CBFA2T2: variants seen among roughly 807,000 people sequenced by gnomAD.
The protein encoded by CBFA2T2 is protein CBFA2T2.
Under a neutral mutation model 62.2 loss-of-function variants are expected in CBFA2T2, and 11 were observed. That is an observed-to-expected ratio of 0.18 (90% CI 0.11 to 0.29). The LOEUF is 0.29. Ranked by LOEUF, CBFA2T2 falls within the 10% of genes least tolerant of loss-of-function variation. The pLI, the probability that CBFA2T2 is intolerant of heterozygous loss-of-function variation, is 1.00. For missense variants in CBFA2T2, 592 were observed against 774.1 expected (o/e 0.76, Z 2.79); for synonymous variants, 295 against 287.5 (o/e 1.03, Z -0.27).
chr20:33,543,617 G>A (rs909981800), intron 1 of CBFA2T2, among the ~76,000 whole-genome samples: 19 of 152,090 alleles, frequency 1.2e-4, no homozygotes, highest in African/African-American at 4.8e-5. Flanking sequence ...GGAAAAGAGC[G>A]TTCTTAGAGG....
chr20:33,517,296 T>C (rs1376348503), intron 1 of CBFA2T2, among the ~76,000 whole-genome samples: 1 of 152,172 alleles, frequency 6.6e-6, no homozygotes, highest in Non-Finnish European at 1.5e-5. Context: ...ATTCATGACA[T>C]ATGGGAAGAA....
chr20:33,578,353 G>C (rs1424217114), intron 1 of CBFA2T2, among the ~76,000 whole-genome samples: 7 of 152,190 alleles, frequency 4.6e-5, no homozygotes, highest in Non-Finnish European at 1.0e-4. Flanking sequence ...TGAGCAAATA[G>C]AGAATTTGGG....
intron 1 of CBFA2T2, among the ~76,000 whole-genome samples, chr20:33,558,477 A>G (rs1049159285): frequency 2.6e-5 from 4 of 151,854 alleles, no homozygotes; most frequent in Admixed American, 2.6e-4. Flanking sequence ...AACTCCCTCC[A>G]TCTCCCTTTT....
chr20:33,537,356 G>A (rs572125510), intron 1 of CBFA2T2, among the ~76,000 whole-genome samples: 3 of 152,234 alleles, frequency 2.0e-5, no homozygotes, highest in African/African-American at 4.8e-5. Context: ...GCGTGGCAGC[G>A]CGCGCCTGCA....
intron 5 of CBFA2T2, among the ~76,000 whole-genome samples, chr20:33,624,285 C>A (rs1255126477): frequency 7.0e-6 from 1 of 142,812 alleles, no homozygotes; most frequent in Non-Finnish European, 1.5e-5. Context: ...ATCTGAGTGA[C>A]TGAAAACCCT....
Position 33,543,273 on chromosome 20 carries a change from G to T in CBFA2T2, c.34+52972G>T, listed in dbSNP as rs544025691. Among the ~76,000 whole-genome samples, 34 of 137,654 alleles carry T rather than the reference G, an allele frequency of 2.5e-4. No homozygotes were observed. The East Asian group carries it at 6.3e-3, about 25-fold the overall frequency. The allele number at this position is 137,654 out of a possible 152,430, so 90.3% of individuals were successfully genotyped here. On this transcript the variant is annotated intron_variant, in intron 1 of 10. Coordinates refer to ENST00000342704, the MANE Select transcript of CBFA2T2 (RefSeq NM_001032999.3). ...GATCTGTCTGCCTCGGCCTCCCAAA[G>T]TGCTGGGATTACAGGCGTGAGCCAC...
chr20:33,545,010 T>TAGAAC lies in CBFA2T2; in HGVS notation c.34+54719_34+54723dup, dbSNP rs199760817. Among the ~76,000 whole-genome samples, 534 of 113,964 alleles carry TAGAAC rather than the reference T, an allele frequency of 4.7e-3. 11 individuals carry two copies. The highest frequency in any genetic ancestry group is 0.014 in the African/African-American group (431 of 29,976). The allele number at this position is 113,964 out of a possible 152,430, so 74.8% of individuals were successfully genotyped here. ...TAGAATAGAATAGAATAGAATAGAA[T>TAGAAC]AGAACAGAACAGAATGCAAGGTAGA... On this transcript the variant is annotated intron_variant, in intron 1 of 10. Transcript: ENST00000342704.
At chr20:33,504,107 T>A (rs1323234953) in intron 1 of CBFA2T2, among the ~76,000 whole-genome samples, 2 of 152,178 alleles carry the variant, frequency 1.3e-5, no homozygotes, top group Non-Finnish European at 2.9e-5. Flanking sequence ...TTCTATAATG[T>A]CATATACATG....
chr20:33,513,430 G>A (rs1314731816), intron 1 of CBFA2T2, among the ~76,000 whole-genome samples: 2 of 151,036 alleles, frequency 1.3e-5, no homozygotes, highest in Non-Finnish European at 2.9e-5. Context: ...CACAGTATCA[G>A]CTCACTGCAA....
intron 1 of CBFA2T2, among the ~76,000 whole-genome samples, chr20:33,518,994 G>A (rs2146859906): frequency 6.6e-6 from 1 of 152,050 alleles, no homozygotes; most frequent in South Asian, 2.1e-4. Flanking sequence ...GCTAAGTTTT[G>A]TAGTTTTAGT....
intron 1 of CBFA2T2, among the ~76,000 whole-genome samples, chr20:33,554,336 T>A (rs1414893000): frequency 6.6e-6 from 1 of 150,812 alleles, no homozygotes; most frequent in Non-Finnish European, 1.5e-5. Context: ...CACTGCAGCC[T>A]TCGCCTCCTG....
rs1471546217 is a variant in CBFA2T2, at chr20:33,508,946, T to C, written c.34+18645T>C. On this transcript the variant is annotated intron_variant, in intron 1 of 10. Coordinates refer to ENST00000342704, the MANE Select transcript of CBFA2T2 (RefSeq NM_001032999.3). Reference sequence around the variant, plus strand: ...GGCCGTGTGTGGAGCACAAACTTACTTGTTTTAAAGAAAGGATTTCTTTGT... The same window carrying C: ...GGCCGTGTGTGGAGCACAAACTTACCTGTTTTAAAGAAAGGATTTCTTTGT... 2.6e-5 allele frequency among the ~76,000 whole-genome samples: 4 copies of C among 152,360 alleles called. No individual in the cohort carries two copies. The East Asian group carries it at 7.7e-4, about 29-fold the overall frequency.
intron 8 of CBFA2T2, among the ~76,000 whole-genome samples, chr20:33,636,194 G>GAATCA (rs2016624363): frequency 6.7e-6 from 1 of 149,962 alleles, no homozygotes; most frequent in Non-Finnish European, 1.5e-5. Flanking sequence ...GGGAGGCAGA[G>GAATCA]GTTGCAGTGA....
chr20:33,583,685 T>C (rs1266192104), intron 1 of CBFA2T2, among the ~76,000 whole-genome samples: 2 of 152,234 alleles, frequency 1.3e-5, no homozygotes, highest in African/African-American at 4.8e-5. Context: ...CTACCAGCAC[T>C]GCATTTAGTA....
rs1038777703 is a variant in CBFA2T2 at position 33,648,638 on chromosome 20, T to A, written c.*3992T>A. 1 of 152,162 alleles carries A rather than the reference T, an allele frequency of 6.6e-6. No homozygotes were observed. Among genetic ancestry groups the A allele is most frequent in the African/African-American group, 2.4e-5 (1 of 41,426 alleles). The allele number at this position is 152,162 out of a possible 1,614,324, so 9.4% of individuals were successfully genotyped here. ...GTTGGGTGACCGTGGGGTCACCGAT[T>A]GCGTAGATTATTTCTAGGGCAGTGC... On this transcript the variant is annotated 3_prime_UTR_variant, in exon 11 of 11. Transcript: ENST00000342704.
chr20:33,495,492 C>G (rs1303834480), intron 1 of CBFA2T2, among the ~76,000 whole-genome samples: 1 of 151,778 alleles, frequency 6.6e-6, no homozygotes, highest in African/African-American at 2.4e-5. Flanking sequence ...TCAAGACCAG[C>G]CTGGCCAACA....
intron 1 of CBFA2T2, among the ~76,000 whole-genome samples, chr20:33,534,645 T>G (rs908647320): frequency 1.3e-5 from 2 of 151,944 alleles, no homozygotes; most frequent in African/African-American, 2.4e-5. Flanking sequence ...AGGTATATAA[T>G]CAGGTATATG....
At chr20:33,573,526 G>C (rs2013668023) in intron 1 of CBFA2T2, among the ~76,000 whole-genome samples, 1 of 151,490 alleles carries the variant, frequency 6.6e-6, no homozygotes, top group African/African-American at 2.4e-5. Flanking sequence ...CTATCGCCCA[G>C]GCTGAAGTGC....
chr20:33,640,604 C>A, intron 10 of CBFA2T2, 73 bp downstream of exon 10: 1 of 1,406,066 alleles, frequency 7.1e-7, no homozygotes, highest in Non-Finnish European at 9.9e-7. Flanking sequence ...CTCTCATACG[C>A]TGGGCAGGAA....
Sources: allele counts gnomAD v4.1 joint callset (sites outside exome capture counted in the v4.1 genomes callset), GRCh38; gene constraint gnomAD v4.1.1; transcripts MANE v1.5; gene names NCBI Gene and HGNC (gene_info 2026-07-23, HGNC 2026-07-21).